Variants in PTPRK observed in about 807,000 individuals in gnomAD.
PTPRK encodes the protein receptor-type tyrosine-protein phosphatase kappa.
In PTPRK, 75 loss-of-function variants were observed where a neutral mutation model predicts 178.0. The ratio of observed to expected loss-of-function variants is 0.42; its 90% CI spans 0.35 to 0.51. The LOEUF is 0.51. Among genes scored for constraint, PTPRK ranks in the 20% least tolerant of loss-of-function variants. The probability of loss-of-function intolerance (pLI) is 0.02; values close to 1 mark genes in which losing one functional copy is unlikely to be tolerated. For missense variants in PTPRK, 1,441 were observed against 1,797.8 expected (o/e 0.80, Z 3.59); for synonymous variants, 637 against 620.6 (o/e 1.03, Z -0.39).
intron 2 of PTPRK, among the ~76,000 whole-genome samples, chr6:128,336,023 T>C (rs1312052303): frequency 2.0e-5 from 3 of 152,182 alleles, no homozygotes; most frequent in South Asian, 2.1e-4. Context: ...CATTGACCAA[T>C]GGTGAGGAAA....
chr6:128,090,783 A>G (rs926665072), intron 7 of PTPRK, among the ~76,000 whole-genome samples: 10 of 152,180 alleles, frequency 6.6e-5, no homozygotes, highest in Non-Finnish European at 1.3e-4. Flanking sequence ...TAACTTAATC[A>G]ACGTAACTAC....
At chr6:128,362,226 G>T (rs1448495702) in intron 2 of PTPRK, among the ~76,000 whole-genome samples, 2 of 152,268 alleles carry the variant, frequency 1.3e-5, no homozygotes, top group East Asian at 3.9e-4. Context: ...TTTACACGGT[G>T]AAAGTGGGAG....
intron 3 of PTPRK, among the ~76,000 whole-genome samples, chr6:128,258,499 T>C (rs1164287687): frequency 2.0e-5 from 3 of 152,188 alleles, no homozygotes; most frequent in Non-Finnish European, 4.4e-5. Context: ...AATAAAAATG[T>C]TAGTTTCGCT....
intron 13 of PTPRK, among the ~76,000 whole-genome samples, chr6:128,035,263 G>A (rs1039157462): frequency 6.6e-6 from 1 of 152,132 alleles, no homozygotes; most frequent in Non-Finnish European, 1.5e-5. Context: ...CTACTTGGGA[G>A]GCTGAGGTGG....
rs577441891 is a variant in PTPRK, at chr6:128,187,646, C to T, written c.869-2921G>A. Among the ~76,000 whole-genome samples the T allele has an allele frequency of 3.9e-5, 6 of 152,208 alleles. No homozygotes were observed. The South Asian group carries it at 1.2e-3, about 32-fold the overall frequency. ...AAGAAATAAGTTTGATGTAATCAGT[C>T]AAGACTTGGTCAGAAGGGTAGTAGT... On this transcript the variant is annotated intron_variant, in intron 6 of 29. Transcript: ENST00000368226.
intron 2 of PTPRK, among the ~76,000 whole-genome samples, chr6:128,339,460 G>A (rs566438588): frequency 6.6e-6 from 1 of 152,124 alleles, no homozygotes; most frequent in South Asian, 2.1e-4. Context: ...CCAAATATAA[G>A]ACCAAAATTC....
chr6:128,189,372 C>T (rs555083407), intron 6 of PTPRK, among the ~76,000 whole-genome samples: 99 of 150,422 alleles, frequency 6.6e-4, no homozygotes, highest in Non-Finnish European at 1.2e-3. Context: ...CCCAAATAGC[C>T]GGGACTACAG....
chr6:128,228,730 T>G (rs1177965921), intron 5 of PTPRK, among the ~76,000 whole-genome samples: 2 of 150,736 alleles, frequency 1.3e-5, no homozygotes, highest in Non-Finnish European at 3.0e-5. Flanking sequence ...GTTTATAAAC[T>G]ACATAATGAA....
intron 1 of PTPRK, among the ~76,000 whole-genome samples, chr6:128,425,644 T>TA (rs928842824): frequency 1.3e-5 from 2 of 152,248 alleles, no homozygotes; most frequent in South Asian, 2.1e-4. Flanking sequence ...CTTAGTCTGC[T>TA]AAAAAAGACT....
intron 13 of PTPRK, 48 bp downstream of exon 13, chr6:128,064,710 A>G: frequency 3.9e-6 from 6 of 1,557,158 alleles, no homozygotes; most frequent in Non-Finnish European, 5.2e-6. Flanking sequence ...TCCATTTTAG[A>G]AAGGGGGTGA....
At chr6:128,344,991 G>A (rs1832217518) in intron 2 of PTPRK, among the ~76,000 whole-genome samples, 1 of 151,164 alleles carries the variant, frequency 6.6e-6, no homozygotes, top group Non-Finnish European at 1.5e-5. Context: ...CCTGAATGTA[G>A]GAGAATGGGG....
intron 18 of PTPRK, among the ~76,000 whole-genome samples, chr6:127,993,135 C>T (rs1466933985): frequency 6.6e-6 from 1 of 151,654 alleles, no homozygotes; most frequent in African/African-American, 2.4e-5. Flanking sequence ...AAAAAAATAA[C>T]AGAACATTCC....
Position 128,201,599 on chromosome 6 carries a change from G to C in PTPRK, c.869-16874C>G, listed in dbSNP as rs776760053. Reference sequence around the variant, plus strand: ...TTTGGCCAGGCGTGACGGCTCATGCGTGTAATCTCAGCACTTTGGGAGGCT... The same window carrying C: ...TTTGGCCAGGCGTGACGGCTCATGCCTGTAATCTCAGCACTTTGGGAGGCT... On this transcript the variant is annotated intron_variant, in intron 6 of 29. Transcript: ENST00000368226. Among the ~76,000 whole-genome samples the C allele has an allele frequency of 2.0e-5, 3 of 152,042 alleles. No individual in the cohort carries two copies. The South Asian group carries it at 6.2e-4, about 31-fold the overall frequency.
At chr6:128,412,405 C>G (rs1447250472) in intron 1 of PTPRK, among the ~76,000 whole-genome samples, 1 of 152,188 alleles carries the variant, frequency 6.6e-6, no homozygotes, top group Non-Finnish European at 1.5e-5. Context: ...GTAGAGAGAG[C>G]TTGAGTAATT....
At chr6:128,060,859 A>G (rs1240733967) in intron 13 of PTPRK, among the ~76,000 whole-genome samples, 1 of 152,220 alleles carries the variant, frequency 6.6e-6, no homozygotes, top group Non-Finnish European at 1.5e-5. Flanking sequence ...AGAAATAAAA[A>G]CAACTCTAGT....
chr6:128,323,271 C>CCAGT (rs1226728547), intron 2 of PTPRK, among the ~76,000 whole-genome samples: 1 of 151,998 alleles, frequency 6.6e-6, no homozygotes, highest in Non-Finnish European at 1.5e-5. Context: ...AGAAAACTCT[C>CCAGT]CAGTAAGACA....
chr6:128,444,458 C>T (rs1366528156), intron 1 of PTPRK, among the ~76,000 whole-genome samples: 1 of 152,172 alleles, frequency 6.6e-6, no homozygotes, highest in African/African-American at 2.4e-5. Flanking sequence ...GCTTCTGTGG[C>T]TATAAATCCC....
intron 10 of PTPRK, among the ~76,000 whole-genome samples, chr6:128,079,284 TG>T (rs1784384756): frequency 6.6e-6 from 1 of 151,970 alleles, no homozygotes; most frequent in Admixed American, 6.6e-5. Flanking sequence ...GAGTCACATA[TG>T]GCGATCAGGA....
At chr6:128,174,297 TC>T (rs1288266015) in intron 7 of PTPRK, among the ~76,000 whole-genome samples, 2 of 151,968 alleles carry the variant, frequency 1.3e-5, no homozygotes, top group African/African-American at 4.8e-5. Context: ...TTTGTGGCTA[TC>T]CAGAAAGAAG....
Sources: gnomAD v4.1 joint callset for allele counts (sites outside exome capture counted in the v4.1 genomes callset) on GRCh38, gnomAD v4.1.1 for gene constraint, MANE v1.5 for transcripts, NCBI Gene and HGNC (gene_info 2026-07-23, HGNC 2026-07-21) for gene names.